The following CAMKMT variants were observed in gnomAD, a reference collection of about 807,000 sequenced individuals.
CAMKMT encodes the protein CaM KMT.
CAMKMT carries 53 observed loss-of-function variants against 48.0 expected under a neutral mutation model. That is an observed-to-expected ratio of 1.10 (90% CI 0.89 to 1.39). The LOEUF is 1.39. Among genes scored for constraint, CAMKMT ranks in the 40% most tolerant of loss-of-function variants. The probability of loss-of-function intolerance (pLI) is 0.00; values close to 1 mark genes in which losing one functional copy is unlikely to be tolerated. For missense variants in CAMKMT, 428 were observed against 402.7 expected (o/e 1.06, Z -0.54); for synonymous variants, 165 against 152.3 (o/e 1.08, Z -0.61).
At chr2:44,383,009 A>G (rs1225352872) in intron 2 of CAMKMT, among the ~76,000 whole-genome samples, 3 of 152,102 alleles carry the variant, frequency 2.0e-5, no homozygotes, top group Non-Finnish European at 2.9e-5. Context: ...AGGTGTTGGC[A>G]GGTTTGGTTT....
At chr2:44,412,444 T>C (rs985905367) in intron 3 of CAMKMT, among the ~76,000 whole-genome samples, 2 of 152,168 alleles carry the variant, frequency 1.3e-5, no homozygotes, top group Non-Finnish European at 2.9e-5. Context: ...CAAGCAATTC[T>C]CCTGCCTCGG....
chr2:44,490,004 G>A (rs1225311278), intron 3 of CAMKMT, among the ~76,000 whole-genome samples: 10 of 151,346 alleles, frequency 6.6e-5, no homozygotes, highest in East Asian at 5.8e-4. Context: ...ACACACACAC[G>A]CACACTCACA....
chr2:44,712,424 C>T (rs1677932594), intron 6 of CAMKMT, among the ~76,000 whole-genome samples: 1 of 151,944 alleles, frequency 6.6e-6, no homozygotes, highest in South Asian at 2.1e-4. Flanking sequence ...ATGATGCATA[C>T]ATATAACATG....
At chr2:44,371,463 A>T (rs895375948) in intron 1 of CAMKMT, among the ~76,000 whole-genome samples, 1 of 152,180 alleles carries the variant, frequency 6.6e-6, no homozygotes, top group Non-Finnish European at 1.5e-5. Context: ...CAGGTTATTT[A>T]TAAGTACATT....
chr2:44,528,979 G>A (rs1015634442), intron 3 of CAMKMT, among the ~76,000 whole-genome samples: 3 of 151,796 alleles, frequency 2.0e-5, no homozygotes, highest in South Asian at 4.2e-4. Context: ...ATTTCGTTAG[G>A]GGTTTGCAAA....
intron 2 of CAMKMT, among the ~76,000 whole-genome samples, chr2:44,383,514 G>C (rs887750206): frequency 3.9e-5 from 6 of 151,944 alleles, no homozygotes; most frequent in African/African-American, 1.5e-4. Flanking sequence ...AAGTTATTGG[G>C]GTATAGGTGG....
intron 3 of CAMKMT, among the ~76,000 whole-genome samples, chr2:44,627,978 T>C (rs1375593850): frequency 5.3e-5 from 8 of 152,008 alleles, no homozygotes; most frequent in Admixed American, 2.0e-4. Context: ...GCTGGGATTA[T>C]AGGCATGAGC....
chr2:44,593,115 G>GAT (rs1670405310), intron 3 of CAMKMT, among the ~76,000 whole-genome samples: 1 of 152,174 alleles, frequency 6.6e-6, no homozygotes, highest in Admixed American at 6.5e-5. Flanking sequence ...TTGCTTTTAA[G>GAT]ATTTGTTAGG....
chr2:44,439,524 C>G (rs1025698606), intron 3 of CAMKMT, among the ~76,000 whole-genome samples: 1 of 152,042 alleles, frequency 6.6e-6, no homozygotes, highest in African/African-American at 2.4e-5. Context: ...CACATTCTTT[C>G]TGCTGATACT....
chr2:44,665,160 T>C (rs1483479727), intron 3 of CAMKMT, among the ~76,000 whole-genome samples: 2 of 152,168 alleles, frequency 1.3e-5, no homozygotes, highest in Non-Finnish European at 2.9e-5. Context: ...AACCTCTGCC[T>C]CCCGGGTTCA....
chr2:44,671,674 A>C (rs758056664), intron 3 of CAMKMT, among the ~76,000 whole-genome samples: 1 of 152,196 alleles, frequency 6.6e-6, no homozygotes, highest in Non-Finnish European at 1.5e-5. Context: ...TTGAATTTTC[A>C]GGGATTTTTT....
chr2:44,625,644 C>T (rs1672439896), intron 3 of CAMKMT, among the ~76,000 whole-genome samples: 1 of 151,816 alleles, frequency 6.6e-6, no homozygotes, highest in Admixed American at 6.6e-5. Context: ...AAAGCTTTAG[C>T]ATTTATGTTT....
intron 3 of CAMKMT, among the ~76,000 whole-genome samples, chr2:44,578,764 TA>T (rs1217365895): frequency 6.6e-6 from 1 of 152,010 alleles, no homozygotes; most frequent in African/African-American, 2.4e-5. Flanking sequence ...TGCTTAAAAA[TA>T]AAAAAGCAAC....
chr2:44,582,666 A>T (rs976602892), intron 3 of CAMKMT, among the ~76,000 whole-genome samples: 10 of 152,156 alleles, frequency 6.6e-5, no homozygotes, highest in Non-Finnish European at 1.5e-4. Context: ...TTATGTTCTT[A>T]CTTTTAAAAG....
chr2:44,583,782 C>G (rs1242366312), intron 3 of CAMKMT, among the ~76,000 whole-genome samples: 2 of 151,752 alleles, frequency 1.3e-5, no homozygotes, highest in African/African-American at 4.8e-5. Context: ...GGCAACAGAT[C>G]AAGACCCTGT....
chr2:44,737,798 C>G (rs1426378930), intron 7 of CAMKMT, among the ~76,000 whole-genome samples: 1 of 151,708 alleles, frequency 6.6e-6, no homozygotes, highest in Non-Finnish European at 1.5e-5. Flanking sequence ...CTCTCCTATT[C>G]AGTATTTTAT....
intron 3 of CAMKMT, among the ~76,000 whole-genome samples, chr2:44,572,669 T>C (rs959620808): frequency 1.1e-4 from 17 of 151,236 alleles, no homozygotes; most frequent in Non-Finnish European, 1.6e-4. Flanking sequence ...TTGGCTGTTA[T>C]GAGTAATGCT....
At chr2:44,465,368 C>T (rs2104632071) in intron 3 of CAMKMT, among the ~76,000 whole-genome samples, 1 of 152,184 alleles carries the variant, frequency 6.6e-6, no homozygotes, top group East Asian at 1.9e-4. Flanking sequence ...TAGGCCAAGG[C>T]AGGTAGATCG....
At chr2:44,760,792 T>C (rs995209927) in intron 9 of CAMKMT, among the ~76,000 whole-genome samples, 2 of 152,000 alleles carry the variant, frequency 1.3e-5, no homozygotes, top group African/African-American at 4.8e-5. Context: ...AGGGAGAGCT[T>C]GAAAGCAATG....
Sources: gnomAD v4.1 joint callset for allele counts (sites outside exome capture counted in the v4.1 genomes callset) on GRCh38, gnomAD v4.1.1 for gene constraint, MANE v1.5 for transcripts, NCBI Gene and HGNC (gene_info 2026-07-23, HGNC 2026-07-21) for gene names.